The following CPNE8 variants were observed in gnomAD, a reference collection of about 807,000 sequenced individuals.
CPNE8 encodes copine-8.
CPNE8 carries 45 observed loss-of-function variants against 81.5 expected under a neutral mutation model. The ratio of observed to expected loss-of-function variants is 0.55; its 90% CI spans 0.44 to 0.71. The LOEUF is 0.71. Ranked by LOEUF, CPNE8 falls within the 30% of genes least tolerant of loss-of-function variation. The pLI is 0.00. For synonymous variants in CPNE8, 252 were observed against 226.3 expected (o/e 1.11, Z -1.02); for missense variants, 594 against 672.1 (o/e 0.88, Z 1.28).
chr12:38,810,166 G>T (rs993216269), intron 6 of CPNE8, among the ~76,000 whole-genome samples: 1 of 152,010 alleles, frequency 6.6e-6, no homozygotes. Flanking sequence ...GTCCAAGTTG[G>T]CAGTGCTTCT....
intron 4 of CPNE8, among the ~76,000 whole-genome samples, chr12:38,847,027 G>A (rs1304521976): frequency 6.6e-5 from 10 of 152,054 alleles, no homozygotes; most frequent in Admixed American, 5.9e-4. Context: ...TGCAATTCCT[G>A]TATGCATATG....
chr12:38,859,072 C>T (rs910810900), intron 3 of CPNE8, among the ~76,000 whole-genome samples: 3 of 151,742 alleles, frequency 2.0e-5, no homozygotes, highest in East Asian at 1.9e-4. Context: ...CACTTCTAAT[C>T]GACATAGTAT....
intron 10 of CPNE8, among the ~76,000 whole-genome samples, chr12:38,758,262 CAG>C (rs1941503222): frequency 6.6e-6 from 1 of 151,938 alleles, no homozygotes; most frequent in Admixed American, 6.6e-5. Context: ...AGGATTCTTT[CAG>C]AGTCTGTAAT....
In CPNE8 at chr12:38,767,738, C is replaced by T; in HGVS notation, c.472G>A (p.Asp158Asn). The T allele has an allele frequency of 6.5e-7, 1 of 1,529,964 alleles. No homozygotes were observed. Among genetic ancestry groups the T allele is most frequent in the Non-Finnish European group, 8.8e-7 (1 of 1,142,522 alleles). 94.8% of individuals were successfully genotyped at this position (1,529,964 alleles called of 1,614,324 possible). Residue 158 changes from aspartate to asparagine, a missense_variant and splice_region_variant, in exon 8 of 20, where the codon GAT (aspartate) becomes AAT (asparagine). Transcript: ENST00000331366. Reference sequence around the variant, plus strand: ...GCACAAAATTGCATCAAAACGGCATCCTAAAAACAAAATTAATAAAACAGT... The same window carrying T: ...GCACAAAATTGCATCAAAACGGCATTCTAAAAACAAAATTAATAAAACAGT... ...LTAEELNCCR[D>N]AVLMQFCANK... is the part of the protein sequence containing the mutation.
chr12:38,766,820 GTTC>G (rs1238790283), intron 8 of CPNE8, among the ~76,000 whole-genome samples: 1 of 151,818 alleles, frequency 6.6e-6, no homozygotes, highest in African/African-American at 2.4e-5. Context: ...TAATGTTTAA[GTTC>G]TTCTTATGTG....
chr12:38,899,615 C>A (rs1004274460), intron 1 of CPNE8, among the ~76,000 whole-genome samples: 1 of 152,162 alleles, frequency 6.6e-6, no homozygotes, highest in African/African-American at 2.4e-5. Context: ...TTAAAACAAC[C>A]TCTTCAATAA....
At chr12:38,779,497 A>G (rs1055867681) in intron 6 of CPNE8, among the ~76,000 whole-genome samples, 2 of 152,148 alleles carry the variant, frequency 1.3e-5, no homozygotes, top group Non-Finnish European at 2.9e-5. Context: ...TAAAAGGTGG[A>G]GATGAGTGAA....
chr12:38,872,991 G>T lies in CPNE8; in HGVS notation c.186+13C>A, dbSNP rs773103792. 2 of 1,456,918 alleles carry T rather than the reference G, an allele frequency of 1.4e-6. No homozygotes were observed. Among genetic ancestry groups the T allele is most frequent in the Non-Finnish European group, 1.9e-6 (2 of 1,042,908 alleles). The allele number at this position is 1,456,918 out of a possible 1,614,324, so 90.2% of individuals were successfully genotyped here. ...CAAGCCCAGTGATTTTTTTAAAAAA[G>T]TTTTAAACTTACCTCTCTCCATTCT... On this transcript the variant is annotated intron_variant, in intron 3 of 19. Coordinates refer to ENST00000331366, the MANE Select transcript of CPNE8 (RefSeq NM_153634.3).
At chr12:38,863,074 T>A (rs1004689727) in intron 3 of CPNE8, among the ~76,000 whole-genome samples, 9 of 152,124 alleles carry the variant, frequency 5.9e-5, no homozygotes, top group African/African-American at 2.2e-4. Context: ...AAAAGACTAA[T>A]AACTGATAAA....
chr12:38,659,064 G>A (rs1591993473), intron 19 of CPNE8, among the ~76,000 whole-genome samples: 2 of 152,076 alleles, frequency 1.3e-5, no homozygotes, highest in East Asian at 3.9e-4. Context: ...AACTTTAAAT[G>A]TAAATGGGCT....
chr12:38,893,332 A>T (rs1944340164), intron 1 of CPNE8, among the ~76,000 whole-genome samples: 1 of 152,168 alleles, frequency 6.6e-6, no homozygotes, highest in Non-Finnish European at 1.5e-5. Context: ...GATAAAACAC[A>T]CTGCTATAAT....
intron 10 of CPNE8, among the ~76,000 whole-genome samples, chr12:38,740,378 A>G (rs1334939663): frequency 6.6e-6 from 1 of 152,122 alleles, no homozygotes; most frequent in Non-Finnish European, 1.5e-5. Flanking sequence ...TCCTAATTGA[A>G]TACTGTTTCT....
chr12:38,797,080 AG>A, intron 6 of CPNE8, among the ~76,000 whole-genome samples: 1 of 152,202 alleles, frequency 6.6e-6, no homozygotes, highest in East Asian at 1.9e-4. Flanking sequence ...CAGCTCAAGG[AG>A]GCCTGCCTGC....
chr12:38,879,542 T>C (rs1310217742), intron 1 of CPNE8, among the ~76,000 whole-genome samples: 1 of 152,170 alleles, frequency 6.6e-6, no homozygotes, highest in African/African-American at 2.4e-5. Flanking sequence ...TTCATATGTA[T>C]AATGAGCAAA....
At chr12:38,764,913 G>A (rs1295935305) in intron 8 of CPNE8, among the ~76,000 whole-genome samples, 3 of 152,138 alleles carry the variant, frequency 2.0e-5, no homozygotes, top group Admixed American at 1.3e-4. Flanking sequence ...ACTAGACTGA[G>A]AGACCAACTG....
chr12:38,789,078 C>T (rs1942265310), intron 6 of CPNE8, among the ~76,000 whole-genome samples: 1 of 151,778 alleles, frequency 6.6e-6, no homozygotes, highest in South Asian at 2.1e-4. Flanking sequence ...CCAATGGATT[C>T]TTCACATAAA....
At chr12:38,857,766 G>C (rs1943767934) in intron 3 of CPNE8, among the ~76,000 whole-genome samples, 1 of 152,096 alleles carries the variant, frequency 6.6e-6, no homozygotes. Flanking sequence ...CATGGTGGCA[G>C]GCACCTGTAA....
intron 3 of CPNE8, among the ~76,000 whole-genome samples, chr12:38,862,223 G>A (rs1170201005): frequency 6.6e-6 from 1 of 151,830 alleles, no homozygotes; most frequent in Non-Finnish European, 1.5e-5. Context: ...CTGTGTAACT[G>A]TAGGTCAAAT....
At chr12:38,870,773 C>T (rs1191486886) in intron 3 of CPNE8, among the ~76,000 whole-genome samples, 1 of 150,102 alleles carries the variant, frequency 6.7e-6, no homozygotes, top group African/African-American at 2.5e-5. Context: ...CACATGTACC[C>T]CTTAACTTAA....
Sources: allele counts gnomAD v4.1 joint callset (sites outside exome capture counted in the v4.1 genomes callset), GRCh38; gene constraint gnomAD v4.1.1; transcripts MANE v1.5; gene names NCBI Gene and HGNC (gene_info 2026-07-23, HGNC 2026-07-21).